Variants in UBE2G2 observed in about 807,000 individuals in gnomAD.
The protein encoded by UBE2G2 is ubiquitin-conjugating enzyme E2 G2.
In UBE2G2, 10 loss-of-function variants were observed where a neutral mutation model predicts 23.0. That is an observed-to-expected ratio of 0.43 (90% CI 0.27 to 0.74). The LOEUF (loss-of-function observed/expected upper bound fraction) is 0.74, where lower values mean the gene tolerates loss of function less well. Among genes scored for constraint, UBE2G2 ranks in the 30% least tolerant of loss-of-function variants. The pLI, the probability that UBE2G2 is intolerant of heterozygous loss-of-function variation, is 0.19. For missense variants in UBE2G2, 150 were observed against 218.3 expected (o/e 0.69, Z 1.97); for synonymous variants, 86 against 81.3 (o/e 1.06, Z -0.31).
chr21:44,783,345 T>G (rs117162051), intron 3 of UBE2G2, among the ~76,000 whole-genome samples: 1 of 152,230 alleles, frequency 6.6e-6, no homozygotes, highest in Non-Finnish European at 1.5e-5. Context: ...TCTAGGAAGA[T>G]AGTCTGATAG....
chr21:44,777,012 A>G, intron 4 of UBE2G2: 1 of 331,348 alleles, frequency 3.0e-6, no homozygotes, highest in Admixed American at 4.8e-5. Flanking sequence ...ACCCCTTCTG[A>G]GCACACACCC....
chr21:44,800,344 A>C (rs1379820913), intron 1 of UBE2G2: 1 of 152,212 alleles, frequency 6.6e-6, no homozygotes, highest in Non-Finnish European at 1.5e-5. Flanking sequence ...CTGCGGCTGC[A>C]TATCCATGGA....
rs559786091 is a variant in UBE2G2 at position 44,780,344 on chromosome 21, C to T, written c.126-2927G>A. 5.2e-4 allele frequency among the ~76,000 whole-genome samples: 79 copies of T among 152,332 alleles called. 3 individuals carry two copies. The South Asian group carries it at 0.014, about 27-fold the overall frequency. Reference sequence around the variant, plus strand: ...CAACTCCCGAGCCAGGAGTGGGAGACGCCACAGTGCTGTTTTTGGACAAGT... The same window carrying T: ...CAACTCCCGAGCCAGGAGTGGGAGATGCCACAGTGCTGTTTTTGGACAAGT... On this transcript the variant is annotated intron_variant, in intron 3 of 5. Transcript: ENST00000345496.
chr21:44,775,420 C>T (rs1569293494), intron 4 of UBE2G2: 1 of 152,222 alleles, frequency 6.6e-6, no homozygotes, highest in Non-Finnish European at 1.5e-5. Context: ...CCACTGTATA[C>T]CAGCAACTTT....
chr21:44,772,819 G>T lies in UBE2G2; in HGVS notation c.385+728C>A, dbSNP rs192510237. On this transcript the variant is annotated intron_variant, in intron 5 of 5. Coordinates refer to ENST00000345496, the MANE Select transcript of UBE2G2 (RefSeq NM_003343.6). This position sits in a 1 kb window ranked among gnomAD's most constrained non-coding sequence, Gnocchi z 5.4. ...TCTCTCCAGGCTACTGCAACACCAC[G>T]ATGTCTCTGTTTGTCTTCCATCACA... is the stretch of plus-strand genomic sequence containing the variant. Among the ~76,000 whole-genome samples the T allele has an allele frequency of 1.3e-5, 2 of 152,172 alleles. No individual in the cohort carries two copies. The highest frequency in any genetic ancestry group is 1.3e-4 in the Admixed American group (2 of 15,304).
At chr21:44,788,171 A>C in intron 1 of UBE2G2, 76 bp from the exon 2 acceptor site, 1 of 1,388,914 alleles carries the variant, frequency 7.2e-7, no homozygotes, top group South Asian at 1.3e-5. Context: ...CACCTTTACA[A>C]AATATATAAG....
chr21:44,793,457 G>A (rs1413428716), intron 1 of UBE2G2, among the ~76,000 whole-genome samples: 2 of 152,204 alleles, frequency 1.3e-5, no homozygotes, highest in Admixed American at 1.3e-4. Context: ...ACCTGCCCGG[G>A]TGTGCGCTGG....
intron 1 of UBE2G2, among the ~76,000 whole-genome samples, chr21:44,798,900 A>G (rs1007137990): frequency 2.0e-5 from 3 of 152,166 alleles, no homozygotes; most frequent in Non-Finnish European, 4.4e-5. Context: ...ATCACTTTTC[A>G]TGGCAGCTAT....
chr21:44,778,728 A>G (rs887354545), intron 3 of UBE2G2, among the ~76,000 whole-genome samples: 5 of 152,236 alleles, frequency 3.3e-5, no homozygotes, highest in Non-Finnish European at 7.3e-5. Flanking sequence ...TGGAAGTTGC[A>G]CTGGGTGTGA....
At chr21:44,792,054 A>T (rs1184655554) in intron 1 of UBE2G2, among the ~76,000 whole-genome samples, 4 of 152,180 alleles carry the variant, frequency 2.6e-5, no homozygotes, top group African/African-American at 9.7e-5. Flanking sequence ...GTTTTGGCCA[A>T]TTTCTTCCAT....
intron 1 of UBE2G2, among the ~76,000 whole-genome samples, chr21:44,788,592 T>C (rs1038178310): frequency 2.4e-4 from 36 of 151,486 alleles, no homozygotes; most frequent in African/African-American, 8.7e-4. Context: ...CCGGCCCAAA[T>C]AGTTCTTTAT....
In UBE2G2 at chr21:44,791,039, A is replaced by C. The variant is rs138897396; in HGVS notation, c.44-2944T>G. ...AGAGGAACTTCTTGGGAACTGGAGC[A>C]ATGGTCACCCTTGCTATGTTTCAAC... is the stretch of plus-strand genomic sequence containing the variant. On this transcript the variant is annotated intron_variant, in intron 1 of 5. Transcript: ENST00000345496. Among the ~76,000 whole-genome samples the C allele has an allele frequency of 6.6e-3, 1,010 of 152,318 alleles. 4 individuals carry two copies. Among genetic ancestry groups the C allele is most frequent in the South Asian group, 0.014 (68 of 4,830 alleles).
intron 3 of UBE2G2, chr21:44,785,599 A>G (rs1286801497): frequency 1.3e-5 from 2 of 152,258 alleles, no homozygotes; most frequent in African/African-American, 2.4e-5. Flanking sequence ...GGTTTTAGAA[A>G]TACTAGGGTA....
chr21:44,801,185 A>G (rs781987676), intron 1 of UBE2G2: 9 of 308,528 alleles, frequency 2.9e-5, no homozygotes, highest in Non-Finnish European at 4.3e-5. Context: ...CCGGGTAGGA[A>G]AGCACTCAAG....
intron 3 of UBE2G2, among the ~76,000 whole-genome samples, chr21:44,785,013 C>G (rs2082984390): frequency 6.6e-6 from 1 of 152,186 alleles, no homozygotes; most frequent in Admixed American, 6.5e-5. Context: ...AAGAGGGCAC[C>G]CACCCTCTCT....
chr21:44,786,831 C>A lies in UBE2G2; in HGVS notation c.125+1089G>T, dbSNP rs553065316. 4.6e-5 allele frequency among the ~76,000 whole-genome samples: 7 copies of A among 152,336 alleles called. No homozygotes were observed. In the East Asian group the frequency reaches 1.2e-3, roughly 25 times the overall value. ...ACTGGGCTTGGCGCGGTGGCTCACA[C>A]CTGTTATCCCAGCACTCTGGGAGGC... On this transcript the variant is annotated intron_variant, in intron 3 of 5. Coordinates refer to ENST00000345496, the MANE Select transcript of UBE2G2 (RefSeq NM_003343.6).
In UBE2G2 at chr21:44,773,537, C is replaced by G. The variant is rs377371098; in HGVS notation, c.385+10G>C. The G allele has an allele frequency of 6.0e-5, 97 of 1,605,528 alleles. No homozygotes were observed. The African/African-American group carries it at 9.7e-4, about 16-fold the overall frequency. ...CCACGGCAGCTCCTGCCAGGAGGCT[C>G]GGGCCTTACCTGCCAGCATGCTCAC... On this transcript the variant is annotated intron_variant, in intron 5 of 5. Coordinates refer to ENST00000345496, the MANE Select transcript of UBE2G2 (RefSeq NM_003343.6).
chr21:44,771,404 C>G lies in UBE2G2; in HGVS notation c.471G>C (p.Gln157His), dbSNP rs1555959909. ...DREQFYKIAK[Q>H]IVQKSLGL ...ACAGTCCCAGAGACTTCTGGACGAT[C>G]TGCTTGGCAATCTTATAGAACTGCT... Residue 157 changes from glutamine to histidine, a missense_variant, in exon 6 of 6, where the codon CAG (glutamine) becomes CAC (histidine). By Grantham distance (24) the Gln-to-His change is conservative. Coordinates refer to ENST00000345496, the MANE Select transcript of UBE2G2 (RefSeq NM_003343.6). This position sits in a 1 kb window ranked among gnomAD's most constrained non-coding sequence, Gnocchi z 4.6. 2 of 1,613,200 alleles carry G rather than the reference C, an allele frequency of 1.2e-6. No homozygotes were observed. The highest frequency in any genetic ancestry group is 3.3e-5 in the Admixed American group (2 of 60,028).
In UBE2G2 at chr21:44,788,102, A is replaced by G. The variant is rs782670074; in HGVS notation, c.44-7T>C. On this transcript the variant is annotated splice_polypyrimidine_tract_variant and splice_region_variant and intron_variant, in intron 1 of 5. Transcript: ENST00000345496. Reference sequence around the variant, plus strand: ...GGAGGATTCAGTGTTAATTCTATAAAATTAATAAGTAAAACCATTACCAAA... The same window carrying G: ...GGAGGATTCAGTGTTAATTCTATAAGATTAATAAGTAAAACCATTACCAAA... The G allele has an allele frequency of 6.3e-7, 1 of 1,598,974 alleles. No homozygotes were observed. Among genetic ancestry groups the G allele is most frequent in the African/African-American group, 1.4e-5 (1 of 73,944 alleles).
Sources: gnomAD v4.1 joint callset for allele counts (sites outside exome capture counted in the v4.1 genomes callset) on GRCh38, gnomAD v4.1.1 for gene constraint, Gnocchi (gnomAD v3.1) non-coding constraint, MANE v1.5 for transcripts, NCBI Gene and HGNC (gene_info 2026-07-23, HGNC 2026-07-21) for gene names.